The following PRKG1 variants were observed in gnomAD, a reference collection of about 807,000 sequenced individuals.
The protein encoded by PRKG1 is protein kinase cGMP-dependent 1.
Under a neutral mutation model 88.1 loss-of-function variants are expected in PRKG1, and 35 were observed. The ratio of observed to expected loss-of-function variants is 0.40; its 90% CI spans 0.30 to 0.53. The LOEUF (loss-of-function observed/expected upper bound fraction) is 0.53, where lower values mean the gene tolerates loss of function less well. Among genes scored for constraint, PRKG1 ranks in the 20% least tolerant of loss-of-function variants. The pLI, the probability that PRKG1 is intolerant of heterozygous loss-of-function variation, is 0.59. For missense variants in PRKG1, 540 were observed against 839.8 expected, an observed-to-expected ratio of 0.64 and a Z score of 4.41; for synonymous variants, 303 against 292.5, an observed-to-expected ratio of 1.04 and a Z score of -0.37.
chr10:52,271,925 T>C (rs1489155570), intron 11 of PRKG1, among the ~76,000 whole-genome samples: 1 of 152,106 alleles, frequency 6.6e-6, no homozygotes, highest in Admixed American at 6.6e-5. Context: ...TTTTTATATG[T>C]GGAAGCAGCT....
intron 3 of PRKG1, among the ~76,000 whole-genome samples, chr10:51,746,142 C>G (rs1265542467): frequency 1.3e-5 from 2 of 152,164 alleles, no homozygotes; most frequent in Non-Finnish European, 2.9e-5. Flanking sequence ...AGCTACAATG[C>G]ATGGCCTGAA....
At chr10:52,003,210 G>A (rs1395355688) in intron 5 of PRKG1, among the ~76,000 whole-genome samples, 1 of 152,138 alleles carries the variant, frequency 6.6e-6, no homozygotes, top group African/African-American at 2.4e-5. Flanking sequence ...TAATTAACTG[G>A]TGCCCTTAAG....
intron 2 of PRKG1, among the ~76,000 whole-genome samples, chr10:51,408,603 T>A (rs1295170934): frequency 6.6e-6 from 1 of 152,166 alleles, no homozygotes; most frequent in Non-Finnish European, 1.5e-5. Flanking sequence ...CAAGGGATGG[T>A]GCCATATCGA....
intron 1 of PRKG1, among the ~76,000 whole-genome samples, chr10:51,084,537 A>G (rs561660094): frequency 1.3e-5 from 2 of 152,338 alleles, no homozygotes; most frequent in East Asian, 1.9e-4. Context: ...GATTTGCTTT[A>G]AGATAGATGT....
chr10:51,107,344 C>T (rs1844862719), intron 1 of PRKG1, among the ~76,000 whole-genome samples: 1 of 151,250 alleles, frequency 6.6e-6, no homozygotes, highest in Non-Finnish European at 1.5e-5. Flanking sequence ...TAGTGGGGTG[C>T]GATATTATAT....
At chr10:51,192,171 G>A (rs1367531221) in intron 2 of PRKG1, among the ~76,000 whole-genome samples, 1 of 151,136 alleles carries the variant, frequency 6.6e-6, no homozygotes, top group African/African-American at 2.4e-5. Flanking sequence ...GAGATGTCCA[G>A]TATTTCTATA....
intron 5 of PRKG1, among the ~76,000 whole-genome samples, chr10:51,991,847 A>T (rs758279780): frequency 2.0e-5 from 3 of 152,216 alleles, no homozygotes; most frequent in Admixed American, 6.5e-5. Context: ...ATACGTGTGC[A>T]TGTGTCTTTA....
chr10:51,039,550 T>G (rs1253926418), intron 1 of PRKG1, among the ~76,000 whole-genome samples: 1 of 152,174 alleles, frequency 6.6e-6, no homozygotes, highest in African/African-American at 2.4e-5. Context: ...TTTACTTTCT[T>G]GATTGTTTCC....
chr10:51,499,103 C>A (rs529171402), intron 3 of PRKG1, among the ~76,000 whole-genome samples: 2 of 152,140 alleles, frequency 1.3e-5, no homozygotes, highest in African/African-American at 4.8e-5. Flanking sequence ...GGTAAGGAGG[C>A]TTTGGTTCCT....
intron 3 of PRKG1, among the ~76,000 whole-genome samples, chr10:51,497,238 T>C (rs1480245845): frequency 6.6e-6 from 1 of 152,194 alleles, no homozygotes; most frequent in Non-Finnish European, 1.5e-5. Flanking sequence ...CTTACAACTT[T>C]AGTTGACTTA....
chr10:51,934,876 T>C (rs1469774683), intron 5 of PRKG1, among the ~76,000 whole-genome samples: 2 of 152,178 alleles, frequency 1.3e-5, no homozygotes, highest in Non-Finnish European at 2.9e-5. Flanking sequence ...TCTTTACTCA[T>C]GGATTTCAAT....
intron 3 of PRKG1, among the ~76,000 whole-genome samples, chr10:51,686,578 G>A (rs1840996642): frequency 6.6e-6 from 1 of 152,162 alleles, no homozygotes; most frequent in African/African-American, 2.4e-5. Context: ...ACCAATCAAA[G>A]ATCCTATAAG....
intron 3 of PRKG1, among the ~76,000 whole-genome samples, chr10:51,716,454 T>C (rs1414010277): frequency 1.3e-5 from 2 of 152,298 alleles, no homozygotes; most frequent in East Asian, 3.9e-4. Context: ...TTCTGGGACC[T>C]AAACATCTGT....
chr10:51,677,867 G>A (rs1420185758), intron 3 of PRKG1, among the ~76,000 whole-genome samples: 1 of 152,192 alleles, frequency 6.6e-6, no homozygotes, highest in Non-Finnish European at 1.5e-5. Context: ...TTGGGCAGGA[G>A]CATAGGTGAG....
chr10:51,391,661 G>A (rs1308494367), intron 2 of PRKG1, among the ~76,000 whole-genome samples: 3 of 152,180 alleles, frequency 2.0e-5, no homozygotes, highest in South Asian at 4.1e-4. Context: ...AGAGCCAATA[G>A]GGCCAACTTT....
chr10:51,541,378 G>T (rs1167916836), intron 3 of PRKG1, among the ~76,000 whole-genome samples: 1 of 152,168 alleles, frequency 6.6e-6, no homozygotes, highest in Non-Finnish European at 1.5e-5. Flanking sequence ...CAGGTCCTTG[G>T]TTCAGGGGTT....
intron 2 of PRKG1, among the ~76,000 whole-genome samples, chr10:51,273,456 C>A (rs560977985): frequency 6.6e-6 from 1 of 151,828 alleles, no homozygotes; most frequent in African/African-American, 2.4e-5. Flanking sequence ...TCCAGGAGGT[C>A]GAGGCTACAG....
At chr10:51,150,549 G>A (rs1193949887) in intron 1 of PRKG1, among the ~76,000 whole-genome samples, 1 of 152,118 alleles carries the variant, frequency 6.6e-6, no homozygotes. Flanking sequence ...TGCTGCGAGA[G>A]CAGAGACAAA....
At chr10:51,196,179 T>A (rs1354507902) in intron 2 of PRKG1, among the ~76,000 whole-genome samples, 1 of 152,222 alleles carries the variant, frequency 6.6e-6, no homozygotes, top group Non-Finnish European at 1.5e-5. Flanking sequence ...CATTATTGCC[T>A]TTGCAGGAGG....
Sources: allele counts gnomAD v4.1 joint callset (sites outside exome capture counted in the v4.1 genomes callset), GRCh38; gene constraint gnomAD v4.1.1; transcripts MANE v1.5; gene names NCBI Gene and HGNC (gene_info 2026-07-23, HGNC 2026-07-21).